SRGAP3: variants seen among roughly 807,000 people sequenced by gnomAD.
SRGAP3 encodes SLIT-ROBO Rho GTPase activating protein 3.
SRGAP3 carries 39 observed loss-of-function variants against 121.1 expected under a neutral mutation model. The observed-to-expected ratio is 0.32, with a 90% CI of 0.25 to 0.42. SRGAP3 has a LOEUF of 0.42. SRGAP3 is among the 10% of genes least tolerant of loss of function. SRGAP3 has a pLI of 1.00. For missense variants in SRGAP3, 1,213 were observed against 1,470.6 expected, an observed-to-expected ratio of 0.82 and a Z score of 2.86; for synonymous variants, 601 against 570.0, an observed-to-expected ratio of 1.05 and a Z score of -0.77.
intron 18 of SRGAP3, among the ~76,000 whole-genome samples, chr3:9,001,104 G>C (rs1942734176): frequency 6.6e-6 from 1 of 152,202 alleles, no homozygotes. Flanking sequence ...GGGATATGGG[G>C]AGCAATTGCT....
rs186977473 is a variant in SRGAP3, at chr3:9,235,941, G to A, written c.67+12944C>T. On this transcript the variant is annotated intron_variant, in intron 1 of 21. Coordinates refer to ENST00000383836, the MANE Select transcript of SRGAP3 (RefSeq NM_014850.4). ...AAATGGGTAAGACGGTAAACTTTGT[G>A]TTTGTGTATTTTACCACAACAAATA... The A allele has an allele frequency of 7.0e-4, 108 of 154,676 alleles. 1 individual carries two copies. Among genetic ancestry groups the A allele is most frequent in the Admixed American group, 2.9e-3 (44 of 15,336 alleles). The allele number at this position is 154,676 out of a possible 1,614,324, so 9.6% of individuals were successfully genotyped here.
intron 18 of SRGAP3, among the ~76,000 whole-genome samples, chr3:9,001,364 A>C (rs1559880665): frequency 6.6e-6 from 1 of 152,228 alleles, no homozygotes; most frequent in Non-Finnish European, 1.5e-5. Flanking sequence ...AATATGTCCA[A>C]TTATCTGTCC....
In SRGAP3 at chr3:8,994,309, C is replaced by T. The variant is rs779319496; in HGVS notation, c.2408+34G>A. On this transcript the variant is annotated intron_variant, in intron 19 of 21. Transcript: ENST00000383836. Reference sequence around the variant, plus strand: ...CATCCCAGACATCACTAATCTATTTCGGCATTCTTCACAGAATTCTCGACT... The same window carrying T: ...CATCCCAGACATCACTAATCTATTTTGGCATTCTTCACAGAATTCTCGACT... 25 of 1,612,338 alleles carry T rather than the reference C, an allele frequency of 1.6e-5. No individual in the cohort carries two copies. The East Asian group carries it at 3.6e-4, about 23-fold the overall frequency.
intron 3 of SRGAP3, among the ~76,000 whole-genome samples, chr3:9,282,038 T>A (rs1954689692): frequency 6.6e-6 from 1 of 152,214 alleles, no homozygotes; most frequent in Admixed American, 6.5e-5. Flanking sequence ...AACTTTACCT[T>A]AATCCATAAT....
chr3:9,179,657 A>G (rs1402017616), intron 1 of SRGAP3, among the ~76,000 whole-genome samples: 1 of 152,192 alleles, frequency 6.6e-6, no homozygotes, highest in Non-Finnish European at 1.5e-5. Context: ...TCATCTGTAC[A>G]ATGGGTATAA....
intron 7 of SRGAP3, among the ~76,000 whole-genome samples, chr3:9,057,180 C>T (rs938066799): frequency 9.9e-5 from 15 of 152,156 alleles, no homozygotes; most frequent in African/African-American, 2.4e-4. Context: ...CCACCCATCT[C>T]GGCCTCCCAA....
intron 3 of SRGAP3, among the ~76,000 whole-genome samples, chr3:9,267,094 ATT>A (rs1309593696): frequency 6.6e-6 from 1 of 152,222 alleles, no homozygotes; most frequent in Non-Finnish European, 1.5e-5. Context: ...CCTGGACTCC[ATT>A]TAAGCAGAGA....
Position 9,071,195 on chromosome 3 carries a change from A to T in SRGAP3, c.487-6614T>A, listed in dbSNP as rs1575023319. 2.0e-5 allele frequency among the ~76,000 whole-genome samples: 3 copies of T among 152,176 alleles called. No individual in the cohort carries two copies. In the South Asian group the frequency reaches 6.2e-4, roughly 32 times the overall value. On this transcript the variant is annotated intron_variant, in intron 4 of 21. Transcript: ENST00000383836. ...TGGAACCACTTCCTCATTCTCCCCA[A>T]GGGACTCCTCCTCAGTGGACACCTG...
chr3:8,986,751 A>T (rs989325692), intron 21 of SRGAP3, among the ~76,000 whole-genome samples: 1 of 152,202 alleles, frequency 6.6e-6, no homozygotes, highest in African/African-American at 2.4e-5. Context: ...AAAAGTGGAA[A>T]TTTTAACAGG....
At chr3:9,133,512 G>A (rs1271139579) in intron 1 of SRGAP3, among the ~76,000 whole-genome samples, 4 of 152,128 alleles carry the variant, frequency 2.6e-5, no homozygotes, top group African/African-American at 9.7e-5. Flanking sequence ...ACATCATGGA[G>A]ATCAGTCCAA....
chr3:9,348,547 T>G, intron 1 of SRGAP3: 1 of 770,630 alleles, frequency 1.3e-6, no homozygotes, highest in Non-Finnish European at 2.4e-6. Flanking sequence ...CAGCGGGCCA[T>G]AAGGAGGCGA....
intron 1 of SRGAP3, among the ~76,000 whole-genome samples, chr3:9,244,155 C>T (rs1953744171): frequency 6.6e-6 from 1 of 152,150 alleles, no homozygotes; most frequent in Non-Finnish European, 1.5e-5. Flanking sequence ...AGATTCAGTT[C>T]GTTCTGGCTC....
chr3:9,101,290 C>G (rs1948205395), intron 3 of SRGAP3, among the ~76,000 whole-genome samples: 1 of 152,208 alleles, frequency 6.6e-6, no homozygotes, highest in Non-Finnish European at 1.5e-5. Context: ...TAAAGGCACC[C>G]CTACTTTTCT....
intron 3 of SRGAP3, among the ~76,000 whole-genome samples, chr3:9,277,394 G>T (rs1010255518): frequency 4.0e-5 from 6 of 151,730 alleles, no homozygotes; most frequent in Non-Finnish European, 8.8e-5. Context: ...GAGGTCAGGA[G>T]TTGGAGACCA....
At chr3:9,014,521 G>T (rs1162004137) in intron 15 of SRGAP3, among the ~76,000 whole-genome samples, 1 of 152,230 alleles carries the variant, frequency 6.6e-6, no homozygotes, top group African/African-American at 2.4e-5. Flanking sequence ...GGTCATCCTA[G>T]ACCTGAAATT....
At position 9,104,701 on chromosome 3, in the gene SRGAP3, A is replaced by C; in HGVS notation, c.402T>G (p.Asp134Glu). ...VIVRLSQISE[D>E]VIRLFKKSKE... ...CTACCTTTTTGAAGAGTCTGATGAC[A>C]TCCTCACTGATCTGGGAGAGGCGGA... The change falls in exon 3 of 22, where the codon GAT becomes GAG. Residue 134 changes from aspartate to glutamate, a missense_variant. By Grantham distance (45) the Asp-to-Glu change is conservative. This residue lies in a region of SRGAP3 where 793 missense variants were observed against 1,032.9 expected (regional missense o/e 0.77). Transcript: ENST00000383836. 6.2e-7 allele frequency: 1 copy of C among 1,614,226 alleles called. No individual in the cohort carries two copies. The highest frequency in any genetic ancestry group is 8.5e-7 in the Non-Finnish European group (1 of 1,180,028).
Position 9,104,671 on chromosome 3 carries a change from C to G in SRGAP3, c.423+9G>C. ...GACCTGGGACACGTAGAGCAGCCCA[C>G]TTGCCTACCTTTTTGAAGAGTCTGA... On this transcript the variant is annotated intron_variant, in intron 3 of 21. Transcript: ENST00000383836. The G allele has an allele frequency of 6.2e-7, 1 of 1,614,076 alleles. No individual in the cohort carries two copies. Among genetic ancestry groups the G allele is most frequent in the Admixed American group, 1.7e-5 (1 of 60,020 alleles).
At chr3:9,336,316 A>G (rs1955693299) in intron 1 of SRGAP3, among the ~76,000 whole-genome samples, 2 of 151,844 alleles carry the variant, frequency 1.3e-5, no homozygotes, top group Non-Finnish European at 2.9e-5. Context: ...TCCTGGAGAG[A>G]AGGATCCTCC....
Position 9,084,105 on chromosome 3 carries a change from G to T in SRGAP3, c.424-4018C>A, listed in dbSNP as rs541943896. Among the ~76,000 whole-genome samples the T allele has an allele frequency of 1.1e-4, 17 of 152,222 alleles. No individual in the cohort carries two copies. The South Asian group carries it at 3.3e-3, about 30-fold the overall frequency. On this transcript the variant is annotated intron_variant, in intron 3 of 21. Transcript: ENST00000383836. ...TTCTATTTGATACTTTGTTTAATCTGTCTTTCTCAATCCAATCTGTTACTG... is the reference window on the plus strand; with the variant it reads ...TTCTATTTGATACTTTGTTTAATCTTTCTTTCTCAATCCAATCTGTTACTG...
Sources: gnomAD v4.1 joint callset for allele counts (sites outside exome capture counted in the v4.1 genomes callset) on GRCh38, gnomAD v4.1.1 for gene constraint, gnomAD v4.1.1 regional missense constraint, MANE v1.5 for transcripts, NCBI Gene and HGNC (gene_info 2026-07-23, HGNC 2026-07-21) for gene names.